MAP3K13: variants seen among roughly 807,000 people sequenced by gnomAD.
The protein encoded by MAP3K13 is leucine zipper-bearing kinase.
MAP3K13 carries 52 observed loss-of-function variants against 104.0 expected under a neutral mutation model. The observed-to-expected ratio is 0.50, with a 90% CI of 0.40 to 0.63. The LOEUF (loss-of-function observed/expected upper bound fraction) is 0.63. Among genes scored for constraint, MAP3K13 ranks in the 20% least tolerant of loss-of-function variants. MAP3K13 has a pLI of 0.00. For synonymous variants in MAP3K13, 394 were observed against 442.2 expected (o/e 0.89, Z 1.37); for missense variants, 914 against 1,218.5 (o/e 0.75, Z 3.72).
chr3:185,454,522 AC>A (rs1560116756), intron 7 of MAP3K13, among the ~76,000 whole-genome samples: 3 of 77,592 alleles, frequency 3.9e-5, no homozygotes, highest in East Asian at 2.8e-4. Context: ...TATGATATAT[AC>A]CATATATATG....
intron 1 of MAP3K13, among the ~76,000 whole-genome samples, chr3:185,371,290 G>A (rs539686526): frequency 6.6e-6 from 1 of 152,286 alleles, no homozygotes; most frequent in South Asian, 2.1e-4. Context: ...CTGATGTCTA[G>A]TCCTAACAGC....
chr3:185,416,921 C>A (rs970345248), intron 1 of MAP3K13, among the ~76,000 whole-genome samples: 5 of 152,014 alleles, frequency 3.3e-5, no homozygotes, highest in African/African-American at 4.8e-5. Flanking sequence ...CCTTGCCCAG[C>A]TATAAACCAA....
rs775566274 is a variant in MAP3K13, at chr3:185,485,905, G to A, written c.*3449G>A. On this transcript the variant is annotated 3_prime_UTR_variant, in exon 14 of 14. Coordinates refer to ENST00000265026, the MANE Select transcript of MAP3K13 (RefSeq NM_004721.5). ...CAAGACTAAAGAACTTTAAGAAGGAGGCCTGGTCACTTAGAGGACCAACGA... is the reference window on the plus strand; with the variant it reads ...CAAGACTAAAGAACTTTAAGAAGGAAGCCTGGTCACTTAGAGGACCAACGA... The A allele has an allele frequency of 2.6e-5, 4 of 152,202 alleles. No homozygotes were observed. Among genetic ancestry groups the A allele is most frequent in the Non-Finnish European group, 5.9e-5 (4 of 68,014 alleles). The allele number at this position is 152,202 out of a possible 1,614,324, so 9.4% of individuals were successfully genotyped here. A position where few individuals can be genotyped will look rare whatever the true frequency, so the allele number is the denominator to read the frequency against.
At chr3:185,438,220 C>A (rs1376180163) in intron 3 of MAP3K13, among the ~76,000 whole-genome samples, 1 of 151,726 alleles carries the variant, frequency 6.6e-6, no homozygotes, top group Admixed American at 6.6e-5. Context: ...TGCTTGAACC[C>A]AGAAGGTTGA....
intron 2 of MAP3K13, among the ~76,000 whole-genome samples, chr3:185,312,984 G>T (rs1232970489): frequency 6.6e-6 from 1 of 152,076 alleles, no homozygotes; most frequent in Non-Finnish European, 1.5e-5. Context: ...GAGCCCAGAA[G>T]TTCAAGACCA....
intron 1 of MAP3K13, among the ~76,000 whole-genome samples, chr3:185,410,270 G>A (rs563913140): frequency 6.6e-6 from 1 of 152,282 alleles, no homozygotes; most frequent in Non-Finnish European, 1.5e-5. Context: ...AACACCACAT[G>A]TTCTCATTCA....
At chr3:185,426,925 CT>C (rs755514746) in intron 1 of MAP3K13, among the ~76,000 whole-genome samples, 3 of 152,106 alleles carry the variant, frequency 2.0e-5, no homozygotes, top group Non-Finnish European at 2.9e-5. Flanking sequence ...TTTTGTTGGT[CT>C]TTCTTTTACC....
chr3:185,399,327 A>G (rs1333301325), intron 1 of MAP3K13, among the ~76,000 whole-genome samples: 2 of 151,976 alleles, frequency 1.3e-5, no homozygotes, highest in African/African-American at 4.8e-5. Context: ...ATATGATGCC[A>G]GGTGCGGTGG....
At chr3:185,295,245 G>A (rs948787230) in intron 2 of MAP3K13, among the ~76,000 whole-genome samples, 6 of 151,868 alleles carry the variant, frequency 4.0e-5, no homozygotes, top group Admixed American at 2.0e-4. Context: ...TTGCTCTGTC[G>A]CCCAGGCTGG....
chr3:185,283,395 A>G (rs1720381529), intron 1 of MAP3K13, among the ~76,000 whole-genome samples: 1 of 152,044 alleles, frequency 6.6e-6, no homozygotes, highest in African/African-American at 2.4e-5. Context: ...CTAATAGGGG[A>G]CAGGGACCTC....
intron 2 of MAP3K13, among the ~76,000 whole-genome samples, chr3:185,302,811 T>C (rs564504590): frequency 9.2e-5 from 14 of 152,328 alleles, no homozygotes; most frequent in African/African-American, 3.4e-4. Context: ...TCTTTCCAAT[T>C]TACATGCCTT....
intron 1 of MAP3K13, among the ~76,000 whole-genome samples, chr3:185,411,898 C>T (rs1417054075): frequency 6.6e-6 from 1 of 151,644 alleles, no homozygotes; most frequent in Non-Finnish European, 1.5e-5. Context: ...GATTCTCCTG[C>T]CTCAGCCTCC....
chr3:185,400,139 T>C (rs12696549), intron 1 of MAP3K13, among the ~76,000 whole-genome samples: 30,996 of 152,034 alleles, frequency 0.2, 3,572 homozygotes, highest in African/African-American at 0.33. Flanking sequence ...AAAAAAATCC[T>C]CGAATCCACC....
At chr3:185,351,638 A>G (rs1038980743) in intron 2 of MAP3K13, among the ~76,000 whole-genome samples, 5 of 152,206 alleles carry the variant, frequency 3.3e-5, no homozygotes, top group Admixed American at 2.0e-4. Context: ...ATTGAGTTTT[A>G]AGATTTCTCC....
intron 1 of MAP3K13, among the ~76,000 whole-genome samples, chr3:185,420,160 A>G (rs1206110424): frequency 6.6e-6 from 1 of 151,644 alleles, no homozygotes; most frequent in East Asian, 1.9e-4. Context: ...AATATTATAA[A>G]GAAGATGAAA....
intron 10 of MAP3K13, among the ~76,000 whole-genome samples, chr3:185,467,715 G>A (rs963598164): frequency 2.6e-5 from 4 of 151,572 alleles, no homozygotes; most frequent in Admixed American, 6.6e-5. Context: ...CCAGGGAGTC[G>A]GAGGTTGCAG....
At chr3:185,294,671 T>C (rs2108675450) in intron 2 of MAP3K13, among the ~76,000 whole-genome samples, 1 of 152,318 alleles carries the variant, frequency 6.6e-6, no homozygotes, top group South Asian at 2.1e-4. Flanking sequence ...AAAGGCTCAT[T>C]ACTATATGTA....
intron 2 of MAP3K13, among the ~76,000 whole-genome samples, chr3:185,436,813 A>T (rs1243773534): frequency 6.6e-6 from 1 of 151,742 alleles, no homozygotes; most frequent in African/African-American, 2.4e-5. Flanking sequence ...GACCAGTCTG[A>T]CCAACATGGT....
chr3:185,484,321 G>GA lies in MAP3K13; in HGVS notation c.*1870dup, dbSNP rs1171297576. ...TACTTCATGGTGCCTTGGCCTTAAG[G>GA]AAAAATTTTTTTAGAATTTTATGTA... is the stretch of plus-strand genomic sequence containing the variant. On this transcript the variant is annotated 3_prime_UTR_variant, in exon 14 of 14. Transcript: ENST00000265026. 2 of 152,112 alleles carry GA rather than the reference G, an allele frequency of 1.3e-5. No homozygotes were observed. The highest frequency in any genetic ancestry group is 3.9e-4 in the East Asian group (2 of 5,192). 9.4% of individuals were successfully genotyped at this position (152,112 alleles called of 1,614,324 possible). A position where few individuals can be genotyped will look rare whatever the true frequency, so the allele number is the denominator to read the frequency against.
Sources: gnomAD v4.1 joint callset for allele counts (sites outside exome capture counted in the v4.1 genomes callset) on GRCh38, gnomAD v4.1.1 for gene constraint, MANE v1.5 for transcripts, NCBI Gene and HGNC (gene_info 2026-07-23, HGNC 2026-07-21) for gene names.